KRABD5: variants seen among roughly 807,000 people sequenced by gnomAD.
KRABD5 encodes the protein KRAB domain containing 5.
At chr16:31,734,167 G>A in the KRABD5 span, among the ~76,000 whole-genome samples, 4 of 151,530 alleles carry the variant, frequency 2.6e-5, no homozygotes, top group Non-Finnish European at 4.4e-5. Context: ...ATATCAGGAT[G>A]TTTAGTGCAT....
the KRABD5 span, chr16:31,758,273 C>A: frequency 6.6e-6 from 1 of 151,968 alleles, no homozygotes; most frequent in East Asian, 1.9e-4. Context: ...TGGATTATGG[C>A]CCACAGAATA....
the KRABD5 span, among the ~76,000 whole-genome samples, chr16:31,718,507 C>T: frequency 2.6e-5 from 4 of 152,168 alleles, no homozygotes; most frequent in East Asian, 7.7e-4. Context: ...GCCTTCTGGT[C>T]TAAGCAGAAC....
At chr16:31,761,418 C>G in the KRABD5 span, 9 of 151,986 alleles carry the variant, frequency 5.9e-5, no homozygotes, top group Non-Finnish European at 1.3e-4. Context: ...TTCACCGGTC[C>G]TCTTATCTCT....
the KRABD5 span, among the ~76,000 whole-genome samples, chr16:31,738,279 G>A: frequency 6.6e-6 from 1 of 152,062 alleles, no homozygotes; most frequent in African/African-American, 2.4e-5. Flanking sequence ...TTCCATTACT[G>A]AAAGTGGAGT....
the KRABD5 span, among the ~76,000 whole-genome samples, chr16:31,740,474 A>T: frequency 7.9e-5 from 12 of 151,666 alleles, no homozygotes; most frequent in African/African-American, 2.7e-4. Flanking sequence ...TTCTTTTGTT[A>T]ATTTGTCTGT....
chr16:31,757,413 G>A, the KRABD5 span: 2 of 152,200 alleles, frequency 1.3e-5, no homozygotes, highest in Non-Finnish European at 2.9e-5. Flanking sequence ...GTTACAGTGA[G>A]CCAAGTTTGT....
At chr16:31,732,771 T>C in the KRABD5 span, among the ~76,000 whole-genome samples, 1 of 152,208 alleles carries the variant, frequency 6.6e-6, no homozygotes, top group Admixed American at 6.5e-5. Context: ...TATTTACTCA[T>C]TAAAATTTTC....
chr16:31,719,401 C>T, the KRABD5 span, among the ~76,000 whole-genome samples: 1 of 152,150 alleles, frequency 6.6e-6, no homozygotes, highest in East Asian at 1.9e-4. Flanking sequence ...TTACAAAATA[C>T]TTAAGGATGA....
At chr16:31,757,174 T>G in the KRABD5 span, 1 of 152,270 alleles carries the variant, frequency 6.6e-6, no homozygotes, top group African/African-American at 2.4e-5. Context: ...TTTGTAAAAT[T>G]TAATGGTGCT....
At chr16:31,750,570 G>A in the KRABD5 span, among the ~76,000 whole-genome samples, 1 of 152,080 alleles carries the variant, frequency 6.6e-6, no homozygotes, top group Non-Finnish European at 1.5e-5. Context: ...ATGTTGAATA[G>A]AAGTGGTGAG....
At chr16:31,722,734 G>A in the KRABD5 span, 142 of 1,606,842 alleles carry the variant, frequency 8.8e-5, no homozygotes, top group East Asian at 2.9e-3. Context: ...AGAGAACTAC[G>A]GAAACCTGGT....
chr16:31,750,874 C>G, the KRABD5 span, among the ~76,000 whole-genome samples: 1 of 152,180 alleles, frequency 6.6e-6, no homozygotes, highest in African/African-American at 2.4e-5. Context: ...ATTCTCATGC[C>G]TCAGTCGCCA....
chr16:31,735,392 T>C, the KRABD5 span, among the ~76,000 whole-genome samples: 1 of 152,208 alleles, frequency 6.6e-6, no homozygotes, highest in Non-Finnish European at 1.5e-5. Flanking sequence ...AGCTATGTTT[T>C]TGACACGTTG....
At chr16:31,729,253 A>G in the KRABD5 span, among the ~76,000 whole-genome samples, 21 of 152,316 alleles carry the variant, frequency 1.4e-4, 1 homozygote, top group African/African-American at 2.6e-4. Context: ...TTTTAAATCC[A>G]TTTTGTGCTG....
chr16:31,748,172 G>C, the KRABD5 span, among the ~76,000 whole-genome samples: 1 of 152,106 alleles, frequency 6.6e-6, no homozygotes, highest in Non-Finnish European at 1.5e-5. Flanking sequence ...TTTGTATAAG[G>C]TGTAAGGAAG....
the KRABD5 span, among the ~76,000 whole-genome samples, chr16:31,747,820 CACTTT>C: frequency 3.9e-5 from 6 of 152,154 alleles, no homozygotes; most frequent in African/African-American, 1.4e-4. Context: ...GTCCTTTGCC[CACTTT>C]TTGATGGGGT....
the KRABD5 span, among the ~76,000 whole-genome samples, chr16:31,751,301 C>T: frequency 1.3e-5 from 2 of 152,106 alleles, no homozygotes; most frequent in Admixed American, 6.5e-5. Flanking sequence ...ATGTTGGCCT[C>T]ATAGAATGAA....
chr16:31,750,705 G>C, the KRABD5 span, among the ~76,000 whole-genome samples: 23 of 150,898 alleles, frequency 1.5e-4, no homozygotes, highest in African/African-American at 5.6e-4. Context: ...TCAATGCTTA[G>C]TTTGTTGAGG....
the KRABD5 span, among the ~76,000 whole-genome samples, chr16:31,735,159 G>A: frequency 6.6e-6 from 1 of 151,594 alleles, no homozygotes; most frequent in Admixed American, 6.6e-5. Flanking sequence ...GTAAGATCAT[G>A]AAGGGTTTAT....
Sources: allele counts gnomAD v4.1 joint callset (sites outside exome capture counted in the v4.1 genomes callset), GRCh38; gene constraint gnomAD v4.1.1; transcripts MANE v1.5; gene names NCBI Gene and HGNC (gene_info 2026-07-23, HGNC 2026-07-21).